The following MPRIP variants were observed in gnomAD, a reference collection of about 807,000 sequenced individuals.
The protein encoded by MPRIP is myosin phosphatase Rho-interacting protein.
A neutral mutation model predicts 234.9 loss-of-function variants in MPRIP; 59 were observed. The ratio of observed to expected loss-of-function variants is 0.25; its 90% confidence interval spans 0.20 to 0.31. The LOEUF is 0.31. MPRIP is among the 10% of genes least tolerant of loss of function. The probability of loss-of-function intolerance (pLI) is 1.00; values close to 1 mark genes in which losing one functional copy is unlikely to be tolerated. For missense variants in MPRIP, 2,436 were observed against 3,071.0 expected, an observed-to-expected ratio of 0.79 and a Z score of 4.89; for synonymous variants, 1,144 against 1,263.9, an observed-to-expected ratio of 0.91 and a Z score of 2.01.
intron 23 of MPRIP, among the ~76,000 whole-genome samples, chr17:17,184,158 A>G (rs150286916): frequency 6.6e-6 from 1 of 152,286 alleles, no homozygotes; most frequent in Non-Finnish European, 1.5e-5. Context: ...GTAAGATCTC[A>G]TTCATCTCTG....
At chr17:17,172,072 G>A (rs1255275693) in intron 17 of MPRIP, among the ~76,000 whole-genome samples, 1 of 152,164 alleles carries the variant, frequency 6.6e-6, no homozygotes, top group Non-Finnish European at 1.5e-5. Context: ...CGCACACTTC[G>A]ACCCCTGACA....
chr17:17,171,326 A>G (rs1597504999), intron 16 of MPRIP: 1 of 177,488 alleles, frequency 5.6e-6, no homozygotes. Flanking sequence ...AGACACAGCC[A>G]GCCTCTGCCC....
At chr17:17,096,644 T>G in intron 3 of MPRIP, 1 of 407,044 alleles carries the variant, frequency 2.5e-6, no homozygotes, top group South Asian at 1.8e-5. Flanking sequence ...TGTTGTTGAC[T>G]GGGCAGGTTC....
chr17:17,132,823 TAC>T (rs1172565752), intron 5 of MPRIP, among the ~76,000 whole-genome samples: 1 of 152,084 alleles, frequency 6.6e-6, no homozygotes, highest in Non-Finnish European at 1.5e-5. Flanking sequence ...CAGCGAAAAA[TAC>T]AGAGTGGTTC....
At chr17:17,062,743 A>G (rs1181270973) in intron 1 of MPRIP, among the ~76,000 whole-genome samples, 1 of 152,234 alleles carries the variant, frequency 6.6e-6, no homozygotes, top group African/African-American at 2.4e-5. Flanking sequence ...GAGTAGATGT[A>G]TAGTCACTCT....
intron 13 of MPRIP, among the ~76,000 whole-genome samples, chr17:17,155,491 G>A (rs536796194): frequency 6.6e-6 from 1 of 152,236 alleles, no homozygotes; most frequent in South Asian, 2.1e-4. Flanking sequence ...TGATCCACTC[G>A]CCTTGGCCTC....
intron 16 of MPRIP, among the ~76,000 whole-genome samples, chr17:17,169,624 C>G (rs577389278): frequency 6.6e-6 from 1 of 152,372 alleles, no homozygotes; most frequent in South Asian, 2.1e-4. Flanking sequence ...GCTGCCGTTG[C>G]ATAGTGTCCC....
At chr17:17,075,634 G>A (rs2089310318) in intron 1 of MPRIP, 76 bp from the exon 2 acceptor site, 1 of 1,245,976 alleles carries the variant, frequency 8.0e-7, no homozygotes, top group Non-Finnish European at 1.2e-6. Context: ...TCCAGCGAGT[G>A]CTTGCTGTTA....
At chr17:17,066,545 G>A (rs1180766696) in intron 1 of MPRIP, among the ~76,000 whole-genome samples, 1 of 151,752 alleles carries the variant, frequency 6.6e-6, no homozygotes. Flanking sequence ...CTAATATTTT[G>A]TTGATTTTTG....
intron 1 of MPRIP, among the ~76,000 whole-genome samples, chr17:17,049,073 A>G (rs752703545): frequency 1.4e-4 from 21 of 152,254 alleles, no homozygotes; most frequent in Non-Finnish European, 2.4e-4. Flanking sequence ...TAAGAGGCAG[A>G]CATGAAAGGT....
chr17:17,166,027 T>C lies in MPRIP; in HGVS notation c.4436T>C (p.Leu1479Pro). 7.7e-7 allele frequency: 1 copy of C among 1,303,916 alleles called. No homozygotes were observed. Among genetic ancestry groups the C allele is most frequent in the Non-Finnish European group, 1.0e-6 (1 of 988,784 alleles). The allele number at this position is 1,303,916 out of a possible 1,614,324, so 80.8% of individuals were successfully genotyped here. Residue 1479 changes from leucine (L) to proline (P), a missense_variant, in exon 16 of 24, where the codon CTG becomes CCG. Leu to Pro is a moderately conservative substitution (Grantham distance 98, BLOSUM62 -3). Coordinates refer to ENST00000651222, the MANE Select transcript of MPRIP (RefSeq NM_001364716.4). The surrounding 1 kb of genome is among the most constrained non-coding windows in gnomAD (Gnocchi z 4.4). ...QVKNSQALMCLENCREQLRSL... is the reference protein window; with the variant it reads ...QVKNSQALMCPENCREQLRSL... ...AAGAATAGTCAGGCCCTGATGTGCCTGGAAAATTGCCGAGAACAACTGAGA... is the reference window on the plus strand; with the variant it reads ...AAGAATAGTCAGGCCCTGATGTGCCCGGAAAATTGCCGAGAACAACTGAGA...
chr17:17,061,148 T>A (rs941385744), intron 1 of MPRIP, among the ~76,000 whole-genome samples: 1 of 152,194 alleles, frequency 6.6e-6, no homozygotes, highest in Non-Finnish European at 1.5e-5. Context: ...CCACTGATCC[T>A]CTTGCAGTCC....
chr17:17,144,096 G>T (rs1000393246), intron 9 of MPRIP, among the ~76,000 whole-genome samples: 2 of 152,236 alleles, frequency 1.3e-5, no homozygotes, highest in African/African-American at 4.8e-5. Context: ...CCTTGCACCA[G>T]GTTCTCCATG....
In MPRIP at chr17:17,138,036, C is replaced by T. The variant is rs149713040; in HGVS notation, c.857C>T (p.Pro286Leu). 2,762 of 1,610,516 alleles carry T rather than the reference C, an allele frequency of 1.7e-3. 4 individuals carry two copies. The highest frequency in any genetic ancestry group is 4.7e-3 in the Admixed American group (278 of 59,758). The stretch of plus-strand genomic sequence containing the variant: ...AAGGCTGAAGAACAGCAGCTGCCCC[C>T]GCCGCTCTCCCCTCCCAGCCCCAGC... ...DLKAEEQQLPPPLSPPSPSTP... is the reference protein window; with the variant it reads ...DLKAEEQQLPLPLSPPSPSTP... Residue 286 changes from proline (P) to leucine (L), a missense_variant, in exon 7 of 24, where the codon CCG becomes CTG. Transcript: ENST00000651222. The surrounding 1 kb of genome is among the most constrained non-coding windows in gnomAD (Gnocchi z 5.8).
chr17:17,061,571 C>A (rs1201694504), intron 1 of MPRIP, among the ~76,000 whole-genome samples: 12 of 152,228 alleles, frequency 7.9e-5, no homozygotes. Context: ...GCAGCCCCCA[C>A]CCCCACCTTT....
chr17:17,172,755 G>A lies in MPRIP; in HGVS notation c.6530G>A (p.Ser2177Asn). The A allele has an allele frequency of 3.1e-6, 5 of 1,612,366 alleles. No homozygotes were observed. The highest frequency in any genetic ancestry group is 4.2e-6 in the Non-Finnish European group (5 of 1,180,030). Residue 2177 changes from serine to asparagine, a missense_variant, in exon 18 of 24, where the codon AGC becomes AAC. By Grantham distance (46) the Ser-to-Asn change is conservative. Around this residue, in one of 4 missense-constraint regions of MPRIP, gnomAD observed 1,998 missense variants for 2,520.3 expected, o/e 0.79. Transcript: ENST00000651222. The part of the protein sequence containing the change: ...REEMERELEK[S>N]QRSQISSVNS... ...GAAATGGAGCGGGAGCTGGAGAAGA[G>A]CCAGCGGTCCCAGATCAGCAGCGTC... is the stretch of plus-strand genomic sequence containing the variant.
chr17:17,046,528 A>G (rs1189148651), intron 1 of MPRIP, among the ~76,000 whole-genome samples: 1 of 152,210 alleles, frequency 6.6e-6, no homozygotes, highest in Non-Finnish European at 1.5e-5. Context: ...AGGACTGGAT[A>G]TTATCAAATG....
intron 23 of MPRIP, chr17:17,182,836 CAGAA>C (rs1326601016): frequency 2.6e-5 from 4 of 152,316 alleles, no homozygotes; most frequent in African/African-American, 9.6e-5. Context: ...ACAGTCCTGA[CAGAA>C]AGTCCCCAAC....
chr17:17,164,597 G>A lies in MPRIP; in HGVS notation c.3006G>A (p.Gln1002=). The part of the protein sequence containing the change: ...RLQERIADLS[Q]QLGASEQAQR... ...AGGAGCGCATTGCCGACCTCAGCCA[G>A]CAACTGGGCGCCAGTGAGCAGGCGC... Residue 1002 remains glutamine, a synonymous_variant, in exon 16 of 24, where the codon CAG becomes CAA. Coordinates refer to ENST00000651222, the MANE Select transcript of MPRIP (RefSeq NM_001364716.4). The A allele has an allele frequency of 8.2e-7, 1 of 1,212,920 alleles. No homozygotes were observed. Among genetic ancestry groups the A allele is most frequent in the Non-Finnish European group, 1.1e-6 (1 of 947,442 alleles). The allele number at this position is 1,212,920 out of a possible 1,614,324, so 75.1% of individuals were successfully genotyped here. A position where few individuals can be genotyped will look rare whatever the true frequency, so the allele number is the denominator to read the frequency against.
Sources: gnomAD v4.1 joint callset for allele counts (sites outside exome capture counted in the v4.1 genomes callset) on GRCh38, gnomAD v4.1.1 for gene constraint, gnomAD v4.1.1 regional missense constraint, Gnocchi (gnomAD v3.1) non-coding constraint, MANE v1.5 for transcripts, NCBI Gene and HGNC (gene_info 2026-07-23, HGNC 2026-07-21) for gene names.